CNGB3: variants seen among roughly 807,000 people sequenced by gnomAD.
CNGB3 encodes cyclic nucleotide-gated channel beta-3.
CNGB3 carries 86 observed loss-of-function variants against 92.8 expected under a neutral mutation model. That is an observed-to-expected ratio of 0.93 (90% CI 0.78 to 1.11). The LOEUF (loss-of-function observed/expected upper bound fraction) is 1.11, where lower values mean the gene tolerates loss of function less well. Among genes scored for constraint, CNGB3 ranks in the 50% least tolerant of loss-of-function variants. The pLI is 0.00. For missense variants in CNGB3, 1,026 were observed against 956.8 expected (o/e 1.07, Z -0.95); for synonymous variants, 333 against 332.7 (o/e 1.00, Z -0.01).
chr8:86,743,523 A>ATTAC lies in CNGB3; in HGVS notation c.101_104dup (p.Asn35LysfsTer2). On this transcript the variant is annotated stop_gained and frameshift_variant, in exon 1 of 18. Transcript: ENST00000320005. LOFTEE classifies it high-confidence loss of function. ...CCTGTGCTGTGGTTTGCTGAGACTGATTACTTGGGTGAGAGCCTTCTTCAT... is the reference window on the plus strand; with the variant it reads ...CCTGTGCTGTGGTTTGCTGAGACTGATTACTTACTTGGGTGAGAGCCTTCTTCAT... The ATTAC allele has an allele frequency of 6.2e-7, 1 of 1,613,962 alleles. No individual in the cohort carries two copies. Among genetic ancestry groups the ATTAC allele is most frequent in the South Asian group, 1.1e-5 (1 of 91,076 alleles).
intron 10 of CNGB3, among the ~76,000 whole-genome samples, chr8:86,640,650 G>T (rs185883404): frequency 6.6e-6 from 1 of 151,986 alleles, no homozygotes; most frequent in East Asian, 1.9e-4. Flanking sequence ...GAGGTGTTGC[G>T]TGATTCTAGA....
At chr8:86,622,883 A>G (rs1359389114) in intron 13 of CNGB3, among the ~76,000 whole-genome samples, 2 of 152,168 alleles carry the variant, frequency 1.3e-5, no homozygotes, top group Non-Finnish European at 2.9e-5. Flanking sequence ...TGAAAACCAC[A>G]TCTTTTATAT....
At chr8:86,623,003 G>C (rs1822771590) in intron 13 of CNGB3, among the ~76,000 whole-genome samples, 1 of 152,062 alleles carries the variant, frequency 6.6e-6, no homozygotes, top group South Asian at 2.1e-4. Context: ...CTAATGCTGG[G>C]AGTGACTATG....
chr8:86,602,142 T>G (rs564918675), intron 15 of CNGB3, among the ~76,000 whole-genome samples: 78 of 152,294 alleles, frequency 5.1e-4, no homozygotes, highest in African/African-American at 1.4e-3. Context: ...AAGATTACAG[T>G]GATTATTAAG....
chr8:86,645,633 T>C (rs1045712276), intron 8 of CNGB3, among the ~76,000 whole-genome samples: 22 of 151,434 alleles, frequency 1.5e-4, no homozygotes, highest in African/African-American at 4.8e-4. Context: ...ATAGAACGTT[T>C]AGAATTAAAA....
intron 7 of CNGB3, among the ~76,000 whole-genome samples, chr8:86,649,136 G>A (rs1054131228): frequency 1.3e-5 from 2 of 151,236 alleles, no homozygotes; most frequent in Non-Finnish European, 3.0e-5. Flanking sequence ...CTCTACAGAG[G>A]GAACTACAAA....
At position 86,606,735 on chromosome 8, in the gene CNGB3, G is replaced by A. The variant is rs190171634; in HGVS notation, c.1663-2524C>T. 1.3e-3 allele frequency among the ~76,000 whole-genome samples: 191 copies of A among 152,198 alleles called. 2 individuals carry two copies. The highest frequency in any genetic ancestry group is 0.01 in the Middle Eastern group (3 of 294). On this transcript the variant is annotated intron_variant, in intron 14 of 17. Transcript: ENST00000320005. ...ATCCGAGTGAAGTCAAGTAGGAAAC[G>A]TATCATTACTCTTATTTAACAATTG...
chr8:86,723,628 T>G (rs954033526), intron 3 of CNGB3, among the ~76,000 whole-genome samples: 4 of 152,152 alleles, frequency 2.6e-5, no homozygotes, highest in African/African-American at 9.7e-5. Context: ...GGTATTGAAC[T>G]TAAAGATTCC....
At chr8:86,728,847 A>G (rs2131673831) in intron 2 of CNGB3, among the ~76,000 whole-genome samples, 1 of 152,316 alleles carries the variant, frequency 6.6e-6, no homozygotes, top group Middle Eastern at 3.4e-3. Context: ...AAAATCAGAA[A>G]AAAATCCTGA....
At chr8:86,697,100 G>A (rs1009298062) in intron 3 of CNGB3, among the ~76,000 whole-genome samples, 1 of 152,076 alleles carries the variant, frequency 6.6e-6, no homozygotes, top group Non-Finnish European at 1.5e-5. Context: ...ATAACAAACT[G>A]GCAAGATGAA....
chr8:86,678,354 A>T (rs1824014671), intron 3 of CNGB3, among the ~76,000 whole-genome samples: 1 of 152,188 alleles, frequency 6.6e-6, no homozygotes, highest in Non-Finnish European at 1.5e-5. Context: ...GATATAACTC[A>T]ACCAAGTCTC....
intron 3 of CNGB3, among the ~76,000 whole-genome samples, chr8:86,702,622 C>T (rs564935512): frequency 1.3e-5 from 2 of 152,090 alleles, no homozygotes; most frequent in Non-Finnish European, 2.9e-5. Context: ...CCTTCTCTAG[C>T]ATTGGGTAGT....
At chr8:86,735,144 CTTTTTTTT>C (rs10689543) in intron 2 of CNGB3, among the ~76,000 whole-genome samples, 1 of 81,270 alleles carries the variant, frequency 1.2e-5, no homozygotes, top group African/African-American at 5.4e-5. Flanking sequence ...AAATGGTTGC[CTTTTTTTT>C]TTTTTTTTGA....
intron 2 of CNGB3, among the ~76,000 whole-genome samples, chr8:86,728,966 G>A (rs1185070301): frequency 1.3e-5 from 2 of 152,194 alleles, no homozygotes; most frequent in Admixed American, 6.5e-5. Context: ...GCTGGAGTGC[G>A]GTGGTACGAT....
intron 3 of CNGB3, among the ~76,000 whole-genome samples, chr8:86,692,877 T>G (rs183679371): frequency 2.8e-3 from 422 of 152,308 alleles, no homozygotes; most frequent in African/African-American, 9.7e-3. Context: ...GAGGTTTTGT[T>G]TCAAGATTTA....
chr8:86,674,945 T>C (rs1823937150), intron 3 of CNGB3, among the ~76,000 whole-genome samples: 1 of 38,724 alleles, frequency 2.6e-5, no homozygotes, highest in African/African-American at 7.3e-5. Context: ...TCTCTTTTTG[T>C]TGTTGTTGTT....
chr8:86,686,740 CT>C (rs759047516), intron 3 of CNGB3, among the ~76,000 whole-genome samples: 6 of 151,914 alleles, frequency 3.9e-5, no homozygotes, highest in Admixed American at 6.6e-5. Flanking sequence ...TGATAAGGTA[CT>C]TGTCATAAAG....
At chr8:86,627,425 G>A (rs72692238) in intron 12 of CNGB3, among the ~76,000 whole-genome samples, 22 of 152,180 alleles carry the variant, frequency 1.4e-4, no homozygotes, top group Admixed American at 1.3e-3. Flanking sequence ...TAAACACGAG[G>A]CTGGAGTTTT....
In CNGB3 at chr8:86,667,087, G is replaced by C; in HGVS notation, c.690C>G (p.Asn230Lys). Residue 230 changes from asparagine (N) to lysine (K), a missense_variant, in exon 6 of 18, where the codon AAC (asparagine) becomes AAG (lysine). Asn to Lys is a moderately conservative substitution (Grantham distance 94). Coordinates refer to ENST00000320005, the MANE Select transcript of CNGB3 (RefSeq NM_019098.5). ...LWLLLVTLAY[N>K]WNCCFIPLRL... The stretch of plus-strand genomic sequence containing the variant: ...GCAGTGGTATAAAACAGCAGTTCCA[G>C]TTATAGGCAAGAGTGACAAGCAAGA... The C allele has an allele frequency of 6.2e-7, 1 of 1,614,058 alleles. No homozygotes were observed. The highest frequency in any genetic ancestry group is 8.5e-7 in the Non-Finnish European group (1 of 1,179,942).
Sources: allele counts gnomAD v4.1 joint callset (sites outside exome capture counted in the v4.1 genomes callset), GRCh38; gene constraint gnomAD v4.1.1; transcripts MANE v1.5; gene names NCBI Gene and HGNC (gene_info 2026-07-23, HGNC 2026-07-21).